The following PPP1R2 variants were observed in gnomAD, a reference collection of about 807,000 sequenced individuals.
PPP1R2 encodes the protein protein phosphatase 1 regulatory inhibitor subunit 2, also known as protein phosphatase inhibitor 2.
In PPP1R2, 16 loss-of-function variants were observed where a neutral mutation model predicts 29.9. That is an observed-to-expected ratio of 0.53 (90% CI 0.36 to 0.81). The LOEUF (loss-of-function observed/expected upper bound fraction) is 0.81. Ranked by LOEUF, PPP1R2 falls within the 30% of genes least tolerant of loss-of-function variation. The pLI is 0.00. For missense variants in PPP1R2, 197 were observed against 252.7 expected (o/e 0.78, Z 1.49); for synonymous variants, 76 against 91.5 (o/e 0.83, Z 0.96).
chr3:195,527,441 C>T (rs896860827), intron 2 of PPP1R2, among the ~76,000 whole-genome samples: 5 of 149,790 alleles, frequency 3.3e-5, no homozygotes, highest in Non-Finnish European at 7.4e-5. Context: ...CAGAGTGAGA[C>T]TCTGTCTCAA....
chr3:195,520,858 G>A (rs1017304665), intron 4 of PPP1R2, among the ~76,000 whole-genome samples: 16 of 151,462 alleles, frequency 1.1e-4, no homozygotes, highest in African/African-American at 3.6e-4. Flanking sequence ...TACTAGAGAC[G>A]GGGTTTCACC....
At chr3:195,523,956 T>C (rs1718864858) in intron 3 of PPP1R2, among the ~76,000 whole-genome samples, 170 bp from the exon 4 acceptor site, 1 of 152,080 alleles carries the variant, frequency 6.6e-6, no homozygotes, top group Non-Finnish European at 1.5e-5. Context: ...GGCATGGTGG[T>C]ACACGCCTGT....
chr3:195,520,564 A>C (rs1261332607), intron 4 of PPP1R2, among the ~76,000 whole-genome samples: 1 of 152,218 alleles, frequency 6.6e-6, no homozygotes, highest in Admixed American at 6.5e-5. Context: ...GTGAGCCGCG[A>C]CTATGCCACT....
At chr3:195,536,175 G>A (rs1207520451) in intron 1 of PPP1R2, among the ~76,000 whole-genome samples, 1 of 151,988 alleles carries the variant, frequency 6.6e-6, no homozygotes, top group Non-Finnish European at 1.5e-5. Flanking sequence ...AAGTTTTGGG[G>A]GGCTGGGCAC....
At chr3:195,537,367 G>T (rs1719429672) in intron 1 of PPP1R2, among the ~76,000 whole-genome samples, 1 of 151,964 alleles carries the variant, frequency 6.6e-6, no homozygotes, top group East Asian at 1.9e-4. Context: ...CTGAATTAAA[G>T]TTTATTAAGA....
Position 195,543,323 on chromosome 3 carries a change from A to T in PPP1R2, c.-298T>A. 4.3e-6 allele frequency: 1 copy of T among 234,786 alleles called. No individual in the cohort carries two copies. Among genetic ancestry groups the T allele is most frequent in the African/African-American group, 2.3e-5 (1 of 44,020 alleles). The allele number at this position is 234,786 out of a possible 1,614,324, so 14.5% of individuals were successfully genotyped here. A position where few individuals can be genotyped will look rare whatever the true frequency, so the allele number is the denominator to read the frequency against. ...CAGCGCAGGAGCGACGCGACGCCGA[A>T]GCCAAGCGGACCCGCCCTCTCGCGA... On this transcript the variant is annotated 5_prime_UTR_variant, in exon 1 of 6. Coordinates refer to ENST00000618156, the MANE Select transcript of PPP1R2 (RefSeq NM_006241.8).
chr3:195,529,996 C>T (rs983048730), intron 1 of PPP1R2, 95 bp from the exon 2 acceptor site: 1 of 849,194 alleles, frequency 1.2e-6, no homozygotes, highest in Non-Finnish European at 1.9e-6. Flanking sequence ...ATTTCAACTT[C>T]TATTTGATGG....
chr3:195,527,357 C>T (rs927421670), intron 2 of PPP1R2, among the ~76,000 whole-genome samples: 1 of 151,796 alleles, frequency 6.6e-6, no homozygotes, highest in Non-Finnish European at 1.5e-5. Flanking sequence ...GGCTGAGGCA[C>T]GAGAATCTCT....
chr3:195,543,032 G>T lies in PPP1R2; in HGVS notation c.-7C>A. The T allele has an allele frequency of 6.3e-7, 1 of 1,598,484 alleles. No homozygotes were observed. The highest frequency in any genetic ancestry group is 1.1e-5 in the South Asian group (1 of 88,772). Reference sequence around the variant, plus strand: ...AGGCCGTCGAGGCCGCCATTGCCGGGCGCTCCGGCTGTCGGCTCAGGGTCG... The same window carrying T: ...AGGCCGTCGAGGCCGCCATTGCCGGTCGCTCCGGCTGTCGGCTCAGGGTCG... On this transcript the variant is annotated 5_prime_UTR_variant, in exon 1 of 6. Coordinates refer to ENST00000618156, the MANE Select transcript of PPP1R2 (RefSeq NM_006241.8).
At position 195,519,147 on chromosome 3, in the gene PPP1R2, A is replaced by G; in HGVS notation, c.442T>C (p.Tyr148His). ...AGTTTGATATTGAGTCCTTCATTGTAGTGAAGCTTCCTTTTCATTTCAAAT... is the reference window on the plus strand; with the variant it reads ...AGTTTGATATTGAGTCCTTCATTGTGGTGAAGCTTCCTTTTCATTTCAAAT... ...RQFEMKRKLH[Y>H]NEGLNIKLAR... The change falls in exon 5 of 6, where the codon TAC (tyrosine) becomes CAC (histidine). Residue 148 changes from tyrosine (Y) to histidine (H), a missense_variant. This residue lies in a region of PPP1R2 where 135 missense variants were observed against 163.0 expected (regional missense o/e 0.83). Coordinates refer to ENST00000618156, the MANE Select transcript of PPP1R2 (RefSeq NM_006241.8). 6.2e-7 allele frequency: 1 copy of G among 1,603,268 alleles called. No homozygotes were observed. Among genetic ancestry groups the G allele is most frequent in the Non-Finnish European group, 8.5e-7 (1 of 1,177,494 alleles).
chr3:195,522,909 A>G, intron 4 of PPP1R2, among the ~76,000 whole-genome samples: 1 of 152,164 alleles, frequency 6.6e-6, no homozygotes, highest in East Asian at 1.9e-4. Flanking sequence ...TTTTGTGAGT[A>G]TGTGCTTTTC....
intron 1 of PPP1R2, among the ~76,000 whole-genome samples, chr3:195,538,643 A>C (rs923137677): frequency 1.3e-5 from 2 of 152,130 alleles, no homozygotes; most frequent in Non-Finnish European, 2.9e-5. Context: ...TTAAGGCATA[A>C]TTTTTTCAAG....
chr3:195,524,733 T>C, intron 3 of PPP1R2, 86 bp downstream of exon 3: 1 of 1,295,830 alleles, frequency 7.7e-7, no homozygotes, highest in South Asian at 1.2e-5. Context: ...TTCCCGCTCA[T>C]ACAGGGACAG....
rs115458918 is a variant in PPP1R2, at chr3:195,541,332, G to A, written c.122+1572C>T. ...AAATGGACCAAAAGAAACTCACACT[G>A]GAGAACAGCTAAATAACATAAATGC... On this transcript the variant is annotated intron_variant, in intron 1 of 5. Coordinates refer to ENST00000618156, the MANE Select transcript of PPP1R2 (RefSeq NM_006241.8). Among the ~76,000 whole-genome samples the A allele has an allele frequency of 5.1e-3, 778 of 152,178 alleles. 5 individuals carry two copies. The highest frequency in any genetic ancestry group is 0.018 in the African/African-American group (738 of 41,510).
intron 1 of PPP1R2, among the ~76,000 whole-genome samples, chr3:195,530,832 TG>T (rs2108947960): frequency 6.6e-6 from 1 of 150,564 alleles, no homozygotes; most frequent in Admixed American, 6.6e-5. Flanking sequence ...CCATTATTTT[TG>T]TTTTTTGAGA....
rs970556573 is a variant in PPP1R2 at position 195,516,478 on chromosome 3, T to C, written c.*418A>G. On this transcript the variant is annotated 3_prime_UTR_variant, in exon 6 of 6. Transcript: ENST00000618156. ...AATATTTATCAGTCTATATATCCTG[T>C]TGTTCAATTGGCTTTTGATTTTTAA... 2 of 163,832 alleles carry C rather than the reference T, an allele frequency of 1.2e-5. No individual in the cohort carries two copies. Among genetic ancestry groups the C allele is most frequent in the African/African-American group, 4.8e-5 (2 of 41,730 alleles). The allele number at this position is 163,832 out of a possible 1,614,324, so 10.1% of individuals were successfully genotyped here.
intron 2 of PPP1R2, among the ~76,000 whole-genome samples, chr3:195,527,530 T>C (rs1170896920): frequency 6.6e-6 from 1 of 152,166 alleles, no homozygotes; most frequent in African/African-American, 2.4e-5. Flanking sequence ...CCCAAAGTGC[T>C]GAGATTACAG....
chr3:195,522,099 G>A (rs776530361), intron 4 of PPP1R2, among the ~76,000 whole-genome samples: 3 of 152,190 alleles, frequency 2.0e-5, no homozygotes, highest in Non-Finnish European at 4.4e-5. Context: ...TATTTAGTGA[G>A]TGCTCACAAT....
intron 2 of PPP1R2, among the ~76,000 whole-genome samples, chr3:195,526,392 C>G (rs1173022445): frequency 6.6e-6 from 1 of 151,928 alleles, no homozygotes; most frequent in African/African-American, 2.4e-5. Flanking sequence ...GCTACCATGG[C>G]TGGCCAAATG....
Sources: allele counts gnomAD v4.1 joint callset (sites outside exome capture counted in the v4.1 genomes callset), GRCh38; gene constraint gnomAD v4.1.1; regional missense constraint gnomAD v4.1.1; transcripts MANE v1.5; gene names NCBI Gene and HGNC (gene_info 2026-07-23, HGNC 2026-07-21).